FCHSD2: variants seen among roughly 807,000 people sequenced by gnomAD.
FCHSD2 encodes FCH and double SH3 domains 2, also known as F-BAR and double SH3 domains protein 2.
In FCHSD2, 38 loss-of-function variants were observed where a neutral mutation model predicts 108.1. The observed-to-expected ratio is 0.35, with a 90% CI of 0.27 to 0.46. The LOEUF (loss-of-function observed/expected upper bound fraction) is 0.46, where lower values mean the gene tolerates loss of function less well. Among genes scored for constraint, FCHSD2 ranks in the 20% least tolerant of loss-of-function variants. FCHSD2 has a pLI of 1.00. For missense variants in FCHSD2, 751 were observed against 897.8 expected (o/e 0.84, Z 2.09); for synonymous variants, 279 against 314.7 (o/e 0.89, Z 1.20).
chr11:73,136,270 T>A (rs1192871106), intron 2 of FCHSD2, among the ~76,000 whole-genome samples: 1 of 152,182 alleles, frequency 6.6e-6, no homozygotes, highest in East Asian at 1.9e-4. Flanking sequence ...GATTTTTTTT[T>A]AACTTTTTTC....
intron 3 of FCHSD2, among the ~76,000 whole-genome samples, chr11:73,026,226 A>T (rs1197436363): frequency 1.3e-5 from 2 of 152,106 alleles, no homozygotes; most frequent in East Asian, 3.8e-4. Flanking sequence ...CAGTCCACCT[A>T]CCTTGGGCTC....
intron 12 of FCHSD2, among the ~76,000 whole-genome samples, chr11:72,879,824 G>T (rs1013554545): frequency 5.3e-5 from 8 of 151,350 alleles, no homozygotes; most frequent in Admixed American, 1.3e-4. Context: ...CATAGAAGAG[G>T]ACAGAAAACA....
At chr11:72,956,599 G>C (rs939135887) in intron 8 of FCHSD2, among the ~76,000 whole-genome samples, 8 of 152,142 alleles carry the variant, frequency 5.3e-5, no homozygotes, top group African/African-American at 1.7e-4. Flanking sequence ...GTCTGGTGAG[G>C]GCCCACTTCC....
intron 13 of FCHSD2, among the ~76,000 whole-genome samples, chr11:72,867,196 A>C (rs1434863530): frequency 6.6e-6 from 1 of 152,238 alleles, no homozygotes; most frequent in African/African-American, 2.4e-5. Context: ...CATTAGTCTG[A>C]CTAGCAAGGC....
chr11:72,951,434 T>C (rs1856618224), intron 8 of FCHSD2, among the ~76,000 whole-genome samples: 2 of 151,872 alleles, frequency 1.3e-5, no homozygotes, highest in South Asian at 4.1e-4. Context: ...TAGGGCAGAG[T>C]TTCTCAACCT....
intron 12 of FCHSD2, among the ~76,000 whole-genome samples, chr11:72,881,914 G>C (rs1855096616): frequency 6.6e-6 from 1 of 152,156 alleles, no homozygotes; most frequent in African/African-American, 2.4e-5. Context: ...GGCCGAGGGG[G>C]GCGAATCATG....
In FCHSD2 at chr11:73,142,008, T is replaced by C. The variant is rs907228343; in HGVS notation, c.-131A>G. 9.0e-6 allele frequency: 8 copies of C among 892,538 alleles called. No homozygotes were observed. The highest frequency in any genetic ancestry group is 1.4e-5 in the Non-Finnish European group (8 of 591,528). The allele number at this position is 892,538 out of a possible 1,614,324, so 55.3% of individuals were successfully genotyped here. A position where few individuals can be genotyped will look rare whatever the true frequency, so the allele number is the denominator to read the frequency against. On this transcript the variant is annotated 5_prime_UTR_variant, in exon 1 of 20. Coordinates refer to ENST00000409418, the MANE Select transcript of FCHSD2 (RefSeq NM_014824.3). ...GAAAGGAGCGCTTAAGAAGCAAGAC[T>C]TGCCCCGGAGGGAGCAGGCCAGCGG...
intron 2 of FCHSD2, among the ~76,000 whole-genome samples, chr11:73,114,977 A>G (rs1186715461): frequency 1.3e-5 from 2 of 152,154 alleles, no homozygotes; most frequent in Non-Finnish European, 2.9e-5. Flanking sequence ...CTCTGAGCCC[A>G]GCTCAGCACA....
intron 8 of FCHSD2, among the ~76,000 whole-genome samples, chr11:72,958,640 G>A (rs924833806): frequency 2.0e-5 from 3 of 152,044 alleles, no homozygotes; most frequent in Non-Finnish European, 4.4e-5. Flanking sequence ...CATCAGTTTC[G>A]ACCTCAAGTT....
Position 73,075,899 on chromosome 11 carries a change from G to A in FCHSD2, c.165+7796C>T, listed in dbSNP as rs557372589. On this transcript the variant is annotated intron_variant, in intron 3 of 19. Coordinates refer to ENST00000409418, the MANE Select transcript of FCHSD2 (RefSeq NM_014824.3). ...AATGGGAGGCCAACGCAGTCGGATC[G>A]CTTGAGTCCAGGAGTTCGAGACCAG... is the stretch of plus-strand genomic sequence containing the variant. 9.7e-4 allele frequency among the ~76,000 whole-genome samples: 146 copies of A among 151,134 alleles called. 1 individual carries two copies. Among genetic ancestry groups the A allele is most frequent in the African/African-American group, 3.3e-3 (136 of 41,172 alleles).
intron 8 of FCHSD2, among the ~76,000 whole-genome samples, chr11:72,961,272 C>T (rs1856814230): frequency 6.6e-6 from 1 of 152,094 alleles, no homozygotes; most frequent in African/African-American, 2.4e-5. Context: ...CACTCTGTTG[C>T]CCAGGCTGGA....
chr11:73,086,524 T>C (rs527485065), intron 2 of FCHSD2, among the ~76,000 whole-genome samples: 2 of 151,882 alleles, frequency 1.3e-5, no homozygotes, highest in East Asian at 3.9e-4. Flanking sequence ...AAGAAGGAAA[T>C]ATTAATAATA....
intron 5 of FCHSD2, among the ~76,000 whole-genome samples, chr11:72,991,439 T>C (rs1164496245): frequency 2.6e-5 from 4 of 152,158 alleles, no homozygotes; most frequent in African/African-American, 9.7e-5. Context: ...ATATCCCTGA[T>C]GAACATCGAT....
intron 5 of FCHSD2, among the ~76,000 whole-genome samples, chr11:72,995,830 T>A (rs1309469611): frequency 1.3e-5 from 2 of 151,936 alleles, no homozygotes; most frequent in Non-Finnish European, 2.9e-5. Flanking sequence ...GGCCAACACA[T>A]CGAAGTCCTA....
intron 8 of FCHSD2, among the ~76,000 whole-genome samples, chr11:72,948,453 G>T (rs1856560683): frequency 6.6e-6 from 1 of 151,988 alleles, no homozygotes; most frequent in African/African-American, 2.4e-5. Context: ...TATCATAATA[G>T]ATATTTATTA....
intron 12 of FCHSD2, among the ~76,000 whole-genome samples, chr11:72,880,678 G>A (rs969594046): frequency 6.6e-6 from 1 of 151,928 alleles, no homozygotes; most frequent in African/African-American, 2.4e-5. Flanking sequence ...CACTTTGGGA[G>A]GCTGAGGCGG....
intron 8 of FCHSD2, among the ~76,000 whole-genome samples, chr11:72,962,603 T>TG (rs1021893163): frequency 1.3e-5 from 2 of 151,170 alleles, no homozygotes; most frequent in African/African-American, 4.9e-5. Context: ...AATTCCCCCT[T>TG]TTTTTTTTAA....
chr11:72,965,291 A>G (rs1481553667), intron 8 of FCHSD2, among the ~76,000 whole-genome samples: 1 of 152,212 alleles, frequency 6.6e-6, no homozygotes, highest in Admixed American at 6.5e-5. Context: ...CTATACTTGG[A>G]AAGTTCTCCA....
Position 72,984,228 on chromosome 11 carries a change from C to T in FCHSD2, c.577-12G>A, listed in dbSNP as rs1261817124. 3.1e-6 allele frequency: 5 copies of T among 1,613,326 alleles called. No individual in the cohort carries two copies. In the South Asian group the frequency reaches 3.3e-5, roughly 11 times the overall value. On this transcript the variant is annotated splice_polypyrimidine_tract_variant and intron_variant, in intron 7 of 19. Transcript: ENST00000409418. The stretch of plus-strand genomic sequence containing the variant: ...CGCCGGGCTTTTAACTAAAACATAG[C>T]AAAATAAAATAATCAGTGCAAACTG...
Sources: gnomAD v4.1 joint callset for allele counts (sites outside exome capture counted in the v4.1 genomes callset) on GRCh38, gnomAD v4.1.1 for gene constraint, MANE v1.5 for transcripts, NCBI Gene and HGNC (gene_info 2026-07-23, HGNC 2026-07-21) for gene names.